The following ERC2 variants were observed in gnomAD, a reference collection of about 807,000 sequenced individuals.
The protein encoded by ERC2 is ELKS/RAB6-interacting/CAST family member 2.
In ERC2, 42 loss-of-function variants were observed where a neutral mutation model predicts 114.8. That is an observed-to-expected ratio of 0.37 (90% CI 0.29 to 0.47). The LOEUF (loss-of-function observed/expected upper bound fraction) is 0.47. Among genes scored for constraint, ERC2 ranks in the 20% least tolerant of loss-of-function variants. ERC2 has a pLI of 0.99. For missense variants in ERC2, 939 were observed against 1,150.7 expected, an observed-to-expected ratio of 0.82 and a Z score of 2.66; for synonymous variants, 454 against 425.5, an observed-to-expected ratio of 1.07 and a Z score of -0.82.
chr3:56,101,218 G>T (rs1016063172), intron 6 of ERC2, among the ~76,000 whole-genome samples: 22 of 152,162 alleles, frequency 1.4e-4, no homozygotes, highest in African/African-American at 5.3e-4. Context: ...TGCGCCTCCA[G>T]CCTGCACCTC....
At chr3:56,236,114 T>C (rs1020258645) in intron 3 of ERC2, among the ~76,000 whole-genome samples, 8 of 152,146 alleles carry the variant, frequency 5.3e-5, no homozygotes, top group Non-Finnish European at 2.9e-5. Context: ...AAAAACAATG[T>C]ACAAGGGAAC....
intron 10 of ERC2, among the ~76,000 whole-genome samples, chr3:56,003,663 A>G (rs1425131637): frequency 6.6e-6 from 1 of 152,106 alleles, no homozygotes; most frequent in Non-Finnish European, 1.5e-5. Context: ...TATCAGTCAG[A>G]CTTTATTGGA....
At chr3:56,170,321 C>T (rs977186199) in intron 4 of ERC2, among the ~76,000 whole-genome samples, 14 of 152,120 alleles carry the variant, frequency 9.2e-5, no homozygotes, top group African/African-American at 3.1e-4. Flanking sequence ...ATGATATTTC[C>T]CAAGGTTCAC....
chr3:56,330,380 G>C (rs1270436155), intron 2 of ERC2, among the ~76,000 whole-genome samples: 2 of 152,142 alleles, frequency 1.3e-5, no homozygotes, highest in Non-Finnish European at 2.9e-5. Context: ...CAACGTGTGG[G>C]AAAAGCAGAG....
At chr3:56,430,526 C>T (rs1166670360) in intron 2 of ERC2, among the ~76,000 whole-genome samples, 1 of 152,156 alleles carries the variant, frequency 6.6e-6, no homozygotes, top group Non-Finnish European at 1.5e-5. Context: ...AGTGACAGTA[C>T]CAAGATAACA....
At chr3:55,767,114 T>C (rs940183726) in intron 14 of ERC2, among the ~76,000 whole-genome samples, 1 of 152,230 alleles carries the variant, frequency 6.6e-6, no homozygotes, top group Admixed American at 6.5e-5. Context: ...GCTGCATTCA[T>C]GGATTTATGA....
At chr3:55,858,779 C>T (rs1182849373) in intron 14 of ERC2, among the ~76,000 whole-genome samples, 6 of 152,266 alleles carry the variant, frequency 3.9e-5, no homozygotes, top group South Asian at 2.1e-4. Context: ...AGGCAGGGTC[C>T]GGGCCAGCCT....
chr3:55,674,020 G>T (rs2061676468), intron 17 of ERC2, among the ~76,000 whole-genome samples: 1 of 152,050 alleles, frequency 6.6e-6, no homozygotes, highest in Admixed American at 6.6e-5. Context: ...CCACTGCCAA[G>T]AACAAACCCA....
chr3:55,691,827 A>G (rs963481781), intron 16 of ERC2, among the ~76,000 whole-genome samples: 8 of 151,984 alleles, frequency 5.3e-5, no homozygotes, highest in African/African-American at 1.9e-4. Flanking sequence ...ACATACATAT[A>G]TATGTATATA....
chr3:55,913,471 C>T lies in ERC2; in HGVS notation c.2404-24922G>A, dbSNP rs1324752408. Among the ~76,000 whole-genome samples the T allele has an allele frequency of 2.6e-5, 4 of 152,088 alleles. No homozygotes were observed. The East Asian group carries it at 7.7e-4, about 29-fold the overall frequency. Reference sequence around the variant, plus strand: ...CATCTTTATGGTTTAGTGCACATACCTATAAATTGGTCTCCTGAAAAACCA... The same window carrying T: ...CATCTTTATGGTTTAGTGCACATACTTATAAATTGGTCTCCTGAAAAACCA... On this transcript the variant is annotated intron_variant, in intron 13 of 17. Transcript: ENST00000288221.
chr3:55,918,534 C>T (rs573518388), intron 13 of ERC2, among the ~76,000 whole-genome samples: 1 of 152,082 alleles, frequency 6.6e-6, no homozygotes, highest in African/African-American at 2.4e-5. Flanking sequence ...GCTTTTCATT[C>T]CTTAAATCTG....
In ERC2 at chr3:55,992,078, T is replaced by C; in HGVS notation, c.2234A>G (p.Lys745Arg). The change falls in exon 11 of 18, where the codon AAG becomes AGG. Residue 745 changes from lysine to arginine, a missense_variant. Lys to Arg is a conservative substitution (Grantham distance 26, BLOSUM62 2). Around this residue, in one of 5 missense-constraint regions of ERC2, gnomAD observed 328 missense variants for 353.9 expected, o/e 0.93. Coordinates refer to ENST00000288221, the MANE Select transcript of ERC2 (RefSeq NM_015576.3). ...EVENEKNDKD[K>R]KIAELESLTL... The stretch of plus-strand genomic sequence containing the variant: ...TTACCTCTCCAGTTCTGCGATCTTC[T>C]TGTCCTTGTCATTCTTCTCATTCTC... 1.2e-6 allele frequency: 2 copies of C among 1,613,650 alleles called. No homozygotes were observed. Among genetic ancestry groups the C allele is most frequent in the Non-Finnish European group, 1.7e-6 (2 of 1,179,758 alleles).
At chr3:55,979,663 C>A (rs1189011703) in intron 12 of ERC2, among the ~76,000 whole-genome samples, 1 of 151,862 alleles carries the variant, frequency 6.6e-6, no homozygotes, top group Non-Finnish European at 1.5e-5. Context: ...TGGATGAGAA[C>A]GTCAATCTGC....
intron 15 of ERC2, among the ~76,000 whole-genome samples, chr3:55,733,957 C>A (rs1411491326): frequency 1.3e-5 from 2 of 152,210 alleles, no homozygotes; most frequent in African/African-American, 4.8e-5. Flanking sequence ...TAGTGAATAT[C>A]TTCAATCATT....
intron 3 of ERC2, among the ~76,000 whole-genome samples, chr3:56,248,141 G>T (rs2051849544): frequency 6.6e-6 from 1 of 152,096 alleles, no homozygotes; most frequent in Non-Finnish European, 1.5e-5. Context: ...CTAGGCTAGA[G>T]TTCAGTGACA....
intron 12 of ERC2, among the ~76,000 whole-genome samples, chr3:55,957,476 A>C (rs2068038718): frequency 6.6e-6 from 1 of 152,186 alleles, no homozygotes; most frequent in South Asian, 2.1e-4. Context: ...ACAGTGTCAC[A>C]GGATCCTTAG....
At chr3:56,326,042 C>T (rs1274001785) in intron 2 of ERC2, among the ~76,000 whole-genome samples, 2 of 152,218 alleles carry the variant, frequency 1.3e-5, no homozygotes, top group Non-Finnish European at 2.9e-5. Context: ...CCCTACTCCT[C>T]ACTCTCCTTC....
chr3:56,205,356 A>G (rs960786795), intron 3 of ERC2, among the ~76,000 whole-genome samples: 2 of 152,276 alleles, frequency 1.3e-5, no homozygotes, highest in South Asian at 4.1e-4. Context: ...CCCCAAGTCC[A>G]GGGTGCACTC....
At chr3:55,671,366 A>G (rs1335882439) in intron 17 of ERC2, among the ~76,000 whole-genome samples, 1 of 152,186 alleles carries the variant, frequency 6.6e-6, no homozygotes, top group Non-Finnish European at 1.5e-5. Context: ...ATAAACATCT[A>G]TATCTGGATT....
Sources: gnomAD v4.1 joint callset for allele counts (sites outside exome capture counted in the v4.1 genomes callset) on GRCh38, gnomAD v4.1.1 for gene constraint, gnomAD v4.1.1 regional missense constraint, MANE v1.5 for transcripts, NCBI Gene and HGNC (gene_info 2026-07-23, HGNC 2026-07-21) for gene names.